Variants in ABCB1 observed in about 807,000 individuals in gnomAD.
ABCB1 encodes the protein ATP-dependent translocase ABCB1.
In ABCB1, 69 loss-of-function variants were observed where a neutral mutation model predicts 142.0. The observed-to-expected ratio is 0.49, with a 90% confidence interval of 0.40 to 0.59. The LOEUF is 0.59. Among genes scored for constraint, ABCB1 ranks in the 20% least tolerant of loss-of-function variants. ABCB1 has a pLI of 0.00. For missense variants in ABCB1, 1,326 were observed against 1,554.7 expected, an observed-to-expected ratio of 0.85 and a Z score of 2.47; for synonymous variants, 532 against 539.2, an observed-to-expected ratio of 0.99 and a Z score of 0.18.
chr7:87,674,458 C>T (rs1227877535), intron 1 of ABCB1, among the ~76,000 whole-genome samples: 1 of 152,078 alleles, frequency 6.6e-6, no homozygotes, highest in Non-Finnish European at 1.5e-5. Context: ...GCAGGGTACA[C>T]TCATGCTGGC....
intron 1 of ABCB1, among the ~76,000 whole-genome samples, chr7:87,695,564 G>C (rs1379000485): frequency 2.0e-5 from 3 of 151,998 alleles, no homozygotes; most frequent in Admixed American, 6.6e-5. Context: ...ATAGCTCAAA[G>C]GTAATAGTCT....
At chr7:87,644,453 T>G (rs1218659760) in intron 1 of ABCB1, among the ~76,000 whole-genome samples, 1 of 152,242 alleles carries the variant, frequency 6.6e-6, no homozygotes, top group African/African-American at 2.4e-5. Flanking sequence ...TTTGAAATAG[T>G]GGAGAGTTCT....
chr7:87,695,990 A>G (rs1209874343), intron 1 of ABCB1, among the ~76,000 whole-genome samples: 1 of 152,084 alleles, frequency 6.6e-6, no homozygotes, highest in African/African-American at 2.4e-5. Flanking sequence ...TCAGTAACAG[A>G]TTGTCTTTTA....
intron 27 of ABCB1, among the ~76,000 whole-genome samples, chr7:87,505,612 A>G (rs182637697): frequency 5.9e-5 from 9 of 152,320 alleles, no homozygotes; most frequent in Admixed American, 5.9e-4. Context: ...GTTGCTGAAG[A>G]GATGCTGCCA....
chr7:87,539,180 A>G, intron 19 of ABCB1, 88 bp downstream of exon 19: 2 of 1,401,710 alleles, frequency 1.4e-6, no homozygotes, highest in Admixed American at 1.8e-5. Context: ...TAGGCCTGGG[A>G]AACATGACAG....
chr7:87,530,303 G>A (rs1193150361), intron 21 of ABCB1, among the ~76,000 whole-genome samples: 2 of 152,166 alleles, frequency 1.3e-5, no homozygotes, highest in Admixed American at 1.3e-4. Context: ...CAGATCATGT[G>A]ATATCAGACT....
intron 1 of ABCB1, among the ~76,000 whole-genome samples, chr7:87,608,217 C>T (rs1819726430): frequency 6.6e-6 from 1 of 152,176 alleles, no homozygotes; most frequent in African/African-American, 2.4e-5. Flanking sequence ...GGTCATTTGA[C>T]ATTGGAAAAT....
At chr7:87,669,845 A>T (rs1377436882) in intron 1 of ABCB1, among the ~76,000 whole-genome samples, 2 of 152,166 alleles carry the variant, frequency 1.3e-5, no homozygotes, top group East Asian at 3.8e-4. Context: ...GTCCACTGTT[A>T]GCCTAATGGA....
intron 18 of ABCB1, 108 bp from the exon 19 acceptor site, chr7:87,539,453 G>A: frequency 9.2e-7 from 1 of 1,088,650 alleles, no homozygotes; most frequent in South Asian, 1.3e-5. Context: ...CAGAAAGCCT[G>A]ATTTCAAGGG....
In ABCB1 at chr7:87,504,098, G is replaced by A. The variant is rs1814608017; in HGVS notation, c.*145C>T. On this transcript the variant is annotated 3_prime_UTR_variant, in exon 28 of 28. Transcript: ENST00000622132. ...TCTCTCACTCTGTTCCTTTAATTACGAAGTCTCTGAAGACTCTGAACTTGA... is the reference window on the plus strand; with the variant it reads ...TCTCTCACTCTGTTCCTTTAATTACAAAGTCTCTGAAGACTCTGAACTTGA... The A allele has an allele frequency of 1.6e-5, 16 of 997,994 alleles. No homozygotes were observed. Among genetic ancestry groups the A allele is most frequent in the Admixed American group, 4.3e-5 (2 of 46,724 alleles). The allele number at this position is 997,994 out of a possible 1,614,324, so 61.8% of individuals were successfully genotyped here. A position where few individuals can be genotyped will look rare whatever the true frequency, so the allele number is the denominator to read the frequency against.
At chr7:87,662,141 C>A (rs1824773460) in intron 1 of ABCB1, among the ~76,000 whole-genome samples, 2 of 151,800 alleles carry the variant, frequency 1.3e-5, no homozygotes, top group South Asian at 2.1e-4. Flanking sequence ...CTTATATATT[C>A]TGCTTATTAA....
intron 20 of ABCB1, among the ~76,000 whole-genome samples, chr7:87,535,117 C>A (rs1242605844): frequency 6.6e-6 from 1 of 151,986 alleles, no homozygotes; most frequent in Admixed American, 6.6e-5. Flanking sequence ...AAAACACTAT[C>A]ATCTCCTCCT....
chr7:87,617,056 T>G (rs2130079040), intron 1 of ABCB1, among the ~76,000 whole-genome samples: 1 of 152,316 alleles, frequency 6.6e-6, no homozygotes, highest in Middle Eastern at 3.4e-3. Flanking sequence ...ATATATTCTA[T>G]GTAGCCCATG....
At chr7:87,650,544 C>T (rs1027446771) in intron 1 of ABCB1, among the ~76,000 whole-genome samples, 1 of 152,038 alleles carries the variant, frequency 6.6e-6, no homozygotes, top group Non-Finnish European at 1.5e-5. Flanking sequence ...AGGCACCCAC[C>T]CTTAATACTA....
At chr7:87,509,156 G>A (rs1814887888) in intron 26 of ABCB1, 119 bp downstream of exon 26, 3 of 963,864 alleles carry the variant, frequency 3.1e-6, no homozygotes, top group Middle Eastern at 2.6e-4. Context: ...ATACAGGTAA[G>A]GGTGTGATTT....
chr7:87,524,369 A>G (rs1252668719), intron 21 of ABCB1, among the ~76,000 whole-genome samples: 2 of 152,198 alleles, frequency 1.3e-5, no homozygotes, highest in African/African-American at 4.8e-5. Flanking sequence ...ACTTTAGAAA[A>G]TCGTAAAAGT....
At chr7:87,664,201 C>T (rs888593157) in intron 1 of ABCB1, among the ~76,000 whole-genome samples, 1 of 152,204 alleles carries the variant, frequency 6.6e-6, no homozygotes, top group South Asian at 2.1e-4. Context: ...TGGCACACTT[C>T]TGTAGTCCAA....
At chr7:87,514,316 C>T (rs1815138863) in intron 25 of ABCB1, among the ~76,000 whole-genome samples, 1 of 152,162 alleles carries the variant, frequency 6.6e-6, no homozygotes, top group Non-Finnish European at 1.5e-5. Context: ...CAACTAATTA[C>T]ATGCCTACAT....
At chr7:87,683,479 C>T (rs1331275211) in intron 1 of ABCB1, among the ~76,000 whole-genome samples, 1 of 152,058 alleles carries the variant, frequency 6.6e-6, no homozygotes, top group East Asian at 1.9e-4. Context: ...ACTTAGAGGC[C>T]ATTATAGGAT....
Sources: allele counts gnomAD v4.1 joint callset (sites outside exome capture counted in the v4.1 genomes callset), GRCh38; gene constraint gnomAD v4.1.1; transcripts MANE v1.5; gene names NCBI Gene and HGNC (gene_info 2026-07-23, HGNC 2026-07-21).